The following USP34 variants were observed in gnomAD, a reference collection of about 807,000 sequenced individuals.
USP34 encodes ubiquitin carboxyl-terminal hydrolase 34.
In USP34, 70 loss-of-function variants were observed where a neutral mutation model predicts 460.3. That is an observed-to-expected ratio of 0.15 (90% CI 0.13 to 0.19). The LOEUF (loss-of-function observed/expected upper bound fraction) is 0.19. Ranked by LOEUF, USP34 falls within the 10% of genes least tolerant of loss-of-function variation. The pLI, the probability that USP34 is intolerant of heterozygous loss-of-function variation, is 1.00. For synonymous variants in USP34, 1,647 were observed against 1,405.3 expected, an observed-to-expected ratio of 1.17 and a Z score of -3.85; for missense variants, 3,985 against 4,236.2, an observed-to-expected ratio of 0.94 and a Z score of 1.65.
At chr2:61,325,717 G>C (rs1369692632) in intron 20 of USP34, among the ~76,000 whole-genome samples, 1 of 152,090 alleles carries the variant, frequency 6.6e-6, no homozygotes, top group Non-Finnish European at 1.5e-5. Flanking sequence ...AAATTCAACA[G>C]TGAAGCAGAG....
chr2:61,229,457 T>TAAAAAAAA lies in USP34; in HGVS notation c.7199+83_7199+90dup, dbSNP rs57231258. The TAAAAAAAA allele has an allele frequency of 1.8e-4, 68 of 382,118 alleles. 2 individuals carry two copies. Among genetic ancestry groups the TAAAAAAAA allele is most frequent in the South Asian group, 3.2e-4 (8 of 25,322 alleles). The allele number at this position is 382,118 out of a possible 1,614,324, so 23.7% of individuals were successfully genotyped here. ...GGCAACATGAAGAAACCCTATCTCT[T>TAAAAAAAA]AAAAAAAAAAAAAAAAAACAAAAAA... On this transcript the variant is annotated intron_variant, in intron 59 of 79. Transcript: ENST00000398571.
At chr2:61,325,193 C>T (rs947357976) in intron 21 of USP34, among the ~76,000 whole-genome samples, 182 bp downstream of exon 21, 2 of 151,424 alleles carry the variant, frequency 1.3e-5, no homozygotes, top group African/African-American at 4.9e-5. Flanking sequence ...CAATCCCTAC[C>T]AGTACGCAAT....
chr2:61,359,903 G>C (rs1692222957), intron 10 of USP34, among the ~76,000 whole-genome samples: 2 of 147,504 alleles, frequency 1.4e-5, no homozygotes, highest in Non-Finnish European at 3.0e-5. Flanking sequence ...TCCTGTCTCA[G>C]CCTGCCAAGT....
chr2:61,390,631 A>G (rs2103890543), intron 5 of USP34, among the ~76,000 whole-genome samples: 1 of 152,358 alleles, frequency 6.6e-6, no homozygotes, highest in East Asian at 1.9e-4. Context: ...CTAGTTAAGA[A>G]TCTGCTAAAG....
chr2:61,200,427 CGCTT>C (rs1558462554), intron 75 of USP34: 1 of 152,310 alleles, frequency 6.6e-6, no homozygotes, highest in Admixed American at 6.5e-5. Flanking sequence ...CCAACCCTCT[CGCTT>C]ATTATTTAGT....
intron 75 of USP34, chr2:61,193,415 C>T (rs1292880848): frequency 2.7e-5 from 4 of 146,544 alleles, no homozygotes; most frequent in African/African-American, 1.0e-4. Flanking sequence ...TATCTTTCCT[C>T]TTTTACCTTC....
At chr2:61,425,361 A>T (rs1187061328) in intron 1 of USP34, among the ~76,000 whole-genome samples, 1 of 152,108 alleles carries the variant, frequency 6.6e-6, no homozygotes, top group East Asian at 1.9e-4. Context: ...AGGGAGAAAC[A>T]ACAGTCCTCA....
intron 18 of USP34, among the ~76,000 whole-genome samples, chr2:61,335,538 G>C (rs367658658): frequency 6.6e-6 from 1 of 152,154 alleles, no homozygotes; most frequent in Non-Finnish European, 1.5e-5. Flanking sequence ...ACTGAGCCCA[G>C]GAGTTTGAGA....
At chr2:61,251,905 T>C (rs1299053923) in intron 48 of USP34, among the ~76,000 whole-genome samples, 1 of 152,038 alleles carries the variant, frequency 6.6e-6, no homozygotes, top group Non-Finnish European at 1.5e-5. Context: ...TATACGTGAC[T>C]GTGCATTTGT....
chr2:61,320,799 C>G (rs1367327643), intron 21 of USP34, among the ~76,000 whole-genome samples: 1 of 152,146 alleles, frequency 6.6e-6, no homozygotes, highest in Non-Finnish European at 1.5e-5. Flanking sequence ...CACCAAAGGT[C>G]AGGAGTTCAG....
At chr2:61,287,383 A>G (rs962931001) in intron 34 of USP34, among the ~76,000 whole-genome samples, 6 of 152,186 alleles carry the variant, frequency 3.9e-5, no homozygotes, top group Non-Finnish European at 8.8e-5. Context: ...GGAAAGGCAA[A>G]TATTTGATTA....
chr2:61,359,779 G>GTTT (rs35258583), intron 10 of USP34, among the ~76,000 whole-genome samples: 920 of 86,632 alleles, frequency 0.011, no homozygotes, highest in Non-Finnish European at 0.012. Flanking sequence ...GCCCACAGTT[G>GTTT]TTTTTTTTTT....
At chr2:61,425,543 G>A (rs1041611236) in intron 1 of USP34, among the ~76,000 whole-genome samples, 1 of 152,104 alleles carries the variant, frequency 6.6e-6, no homozygotes, top group Non-Finnish European at 1.5e-5. Context: ...CTCCCACCCA[G>A]GGAGGGAGCA....
chr2:61,318,482 A>G (rs146487526), intron 22 of USP34, among the ~76,000 whole-genome samples: 3 of 152,328 alleles, frequency 2.0e-5, no homozygotes, highest in Admixed American at 6.5e-5. Flanking sequence ...TATACACACT[A>G]AAACTCATTC....
chr2:61,259,981 T>A, intron 43 of USP34, among the ~76,000 whole-genome samples: 1 of 152,236 alleles, frequency 6.6e-6, no homozygotes, highest in East Asian at 1.9e-4. Flanking sequence ...GCTATTACTA[T>A]CTTATAAGGA....
chr2:61,287,674 C>T (rs988851145), intron 34 of USP34, among the ~76,000 whole-genome samples: 15 of 152,166 alleles, frequency 9.9e-5, no homozygotes, highest in Non-Finnish European at 1.5e-4. Flanking sequence ...TTAACACTTT[C>T]TTTTCTCTAG....
chr2:61,420,004 C>CA (rs1379661994), intron 2 of USP34, among the ~76,000 whole-genome samples: 2 of 152,268 alleles, frequency 1.3e-5, no homozygotes, highest in African/African-American at 4.8e-5. Flanking sequence ...TACCATAGAG[C>CA]AAATGTTATT....
At chr2:61,284,997 C>T (rs1199747515) in intron 34 of USP34, 40 bp from the exon 35 acceptor site, 1 of 1,510,882 alleles carries the variant, frequency 6.6e-7, no homozygotes, top group Non-Finnish European at 9.0e-7. Context: ...TTAAATACAG[C>T]AAAAGGAAAA....
At chr2:61,302,414 T>G (rs932051142) in intron 27 of USP34, among the ~76,000 whole-genome samples, 1 of 152,236 alleles carries the variant, frequency 6.6e-6, no homozygotes, top group African/African-American at 2.4e-5. Context: ...CGAGTCATAT[T>G]GGCAATTTGC....
Sources: gnomAD v4.1 joint callset for allele counts (sites outside exome capture counted in the v4.1 genomes callset) on GRCh38, gnomAD v4.1.1 for gene constraint, MANE v1.5 for transcripts, NCBI Gene and HGNC (gene_info 2026-07-23, HGNC 2026-07-21) for gene names.